FDX1: variants seen among roughly 807,000 people sequenced by gnomAD.
The protein encoded by FDX1 is adrenodoxin, mitochondrial.
Under a neutral mutation model 14.9 loss-of-function variants are expected in FDX1, and 9 were observed. The ratio of observed to expected loss-of-function variants is 0.60; its 90% CI spans 0.36 to 1.05. FDX1 has a LOEUF of 1.05. Among genes scored for constraint, FDX1 ranks in the 50% least tolerant of loss-of-function variants. The pLI, the probability that FDX1 is intolerant of heterozygous loss-of-function variation, is 0.01. For missense variants in FDX1, 204 were observed against 237.2 expected (o/e 0.86, Z 0.92); for synonymous variants, 92 against 99.4 (o/e 0.93, Z 0.44).
chr11:110,433,814 G>A (rs934868559), intron 1 of FDX1, among the ~76,000 whole-genome samples: 1 of 152,056 alleles, frequency 6.6e-6, no homozygotes, highest in South Asian at 2.1e-4. Flanking sequence ...TATTAGGGAG[G>A]GCATTATCCC....
chr11:110,461,718 C>T (rs1278795908), intron 3 of FDX1, among the ~76,000 whole-genome samples: 1 of 152,056 alleles, frequency 6.6e-6, no homozygotes, highest in Non-Finnish European at 1.5e-5. Flanking sequence ...ACATACTTTG[C>T]ATAACTAAGT....
rs1282815078 is a variant in FDX1 at position 110,462,670 on chromosome 11, A to G, written c.*202A>G. 2.8e-6 allele frequency: 1 copy of G among 360,606 alleles called. No homozygotes were observed. The highest frequency in any genetic ancestry group is 2.1e-5 in the African/African-American group (1 of 48,484). 22.3% of individuals were successfully genotyped at this position (360,606 alleles called of 1,614,324 possible). A position where few individuals can be genotyped will look rare whatever the true frequency, so the allele number is the denominator to read the frequency against. On this transcript the variant is annotated 3_prime_UTR_variant, in exon 4 of 4. Coordinates refer to ENST00000260270, the MANE Select transcript of FDX1 (RefSeq NM_004109.5). ...TTTTGGTTATATTACAAAAATGTCA[A>G]TCAAATATTAAAAAATAGTTAATGT...
chr11:110,442,866 G>T (rs1946413472), intron 2 of FDX1, among the ~76,000 whole-genome samples: 1 of 152,194 alleles, frequency 6.6e-6, no homozygotes, highest in Non-Finnish European at 1.5e-5. Context: ...ATTCCCACGG[G>T]TTGTGGGAGG....
intron 2 of FDX1, among the ~76,000 whole-genome samples, chr11:110,444,671 TATATATATATATAC>T (rs1347173022): frequency 8.1e-5 from 6 of 73,702 alleles, no homozygotes; most frequent in African/African-American, 3.4e-4. Flanking sequence ...TATACGTATA[TATATATATATATAC>T]ACGTATATAT....
intron 2 of FDX1, among the ~76,000 whole-genome samples, chr11:110,450,296 G>A (rs1946478154): frequency 6.6e-6 from 1 of 151,966 alleles, no homozygotes; most frequent in Non-Finnish European, 1.5e-5. Context: ...CCCATCTGGA[G>A]GTGATGGGAG....
At chr11:110,457,768 T>A (rs1223721639) in intron 3 of FDX1, among the ~76,000 whole-genome samples, 1 of 152,224 alleles carries the variant, frequency 6.6e-6, no homozygotes, top group African/African-American at 2.4e-5. Context: ...AATAGTTTTA[T>A]TTCATGTGTA....
At chr11:110,450,457 A>T (rs1024416093) in intron 2 of FDX1, among the ~76,000 whole-genome samples, 2 of 152,160 alleles carry the variant, frequency 1.3e-5, no homozygotes. Context: ...AATGTGAGCA[A>T]TGGGGAGCAG....
intron 1 of FDX1, among the ~76,000 whole-genome samples, chr11:110,434,963 C>T (rs137859606): frequency 4.9e-4 from 75 of 152,132 alleles, no homozygotes; most frequent in African/African-American, 1.6e-3. Context: ...CTGTGTTGCT[C>T]AGGCTGGTCT....
At chr11:110,457,904 T>C (rs1946532443) in intron 3 of FDX1, among the ~76,000 whole-genome samples, 1 of 152,178 alleles carries the variant, frequency 6.6e-6, no homozygotes, top group Non-Finnish European at 1.5e-5. Flanking sequence ...TATAGTTCAT[T>C]TCCCTCTTGG....
intron 2 of FDX1, among the ~76,000 whole-genome samples, chr11:110,444,069 G>A (rs528058406): frequency 8.6e-4 from 131 of 152,076 alleles, no homozygotes; most frequent in Non-Finnish European, 1.1e-3. Context: ...TGTTTAATTA[G>A]ATCCCACTTA....
At chr11:110,444,632 ATGTGTGTG>A (rs369797336) in intron 2 of FDX1, among the ~76,000 whole-genome samples, 1 of 84,842 alleles carries the variant, frequency 1.2e-5, no homozygotes, top group Non-Finnish European at 2.0e-5. Context: ...AAGAAAATAT[ATGTGTGTG>A]TGTGTGTGTG....
chr11:110,435,161 C>T (rs913733801), intron 1 of FDX1, among the ~76,000 whole-genome samples: 1 of 152,022 alleles, frequency 6.6e-6, no homozygotes, highest in Non-Finnish European at 1.5e-5. Context: ...AAGGGATCCT[C>T]CCGTTTCAGC....
At chr11:110,448,592 A>G (rs2134686637) in intron 2 of FDX1, among the ~76,000 whole-genome samples, 1 of 152,318 alleles carries the variant, frequency 6.6e-6, no homozygotes, top group Non-Finnish European at 1.5e-5. Flanking sequence ...TTTCTCTAGG[A>G]ATTAATTTCA....
At chr11:110,445,032 G>A (rs1235014795) in intron 2 of FDX1, among the ~76,000 whole-genome samples, 2 of 151,448 alleles carry the variant, frequency 1.3e-5, no homozygotes, top group Non-Finnish European at 2.9e-5. Context: ...GAAAAATGAT[G>A]TTGGTAGTTT....
intron 1 of FDX1, among the ~76,000 whole-genome samples, chr11:110,432,126 A>G (rs1454097351): frequency 2.0e-5 from 3 of 152,216 alleles, no homozygotes; most frequent in Non-Finnish European, 4.4e-5. Flanking sequence ...CAGACAGAGC[A>G]GTTCTAGAAA....
intron 1 of FDX1, among the ~76,000 whole-genome samples, chr11:110,434,398 T>A (rs13328874): frequency 0.022 from 3,276 of 149,284 alleles, 114 homozygotes; most frequent in African/African-American, 0.072. Flanking sequence ...GTGCAGTGGT[T>A]TGATCTCGGC....
chr11:110,452,627 A>G (rs1452314406), intron 2 of FDX1, among the ~76,000 whole-genome samples: 5 of 152,244 alleles, frequency 3.3e-5, no homozygotes, highest in African/African-American at 7.2e-5. Context: ...TTAAAAAAAA[A>G]AAAAGATATT....
At chr11:110,452,626 A>G (rs1591253101) in intron 2 of FDX1, among the ~76,000 whole-genome samples, 2 of 152,360 alleles carry the variant, frequency 1.3e-5, no homozygotes, top group Non-Finnish European at 1.5e-5. Context: ...GTTAAAAAAA[A>G]AAAAAGATAT....
intron 1 of FDX1, among the ~76,000 whole-genome samples, chr11:110,431,915 T>C (rs1946334547): frequency 6.6e-6 from 1 of 152,180 alleles, no homozygotes; most frequent in Admixed American, 6.5e-5. Context: ...ATGAGACTTG[T>C]GCTGTAACTA....
Sources: gnomAD v4.1 joint callset for allele counts (sites outside exome capture counted in the v4.1 genomes callset) on GRCh38, gnomAD v4.1.1 for gene constraint, MANE v1.5 for transcripts, NCBI Gene and HGNC (gene_info 2026-07-23, HGNC 2026-07-21) for gene names.